Variants in GABPB1 observed in about 807,000 individuals in gnomAD.
GABPB1 encodes GA-binding protein subunit beta-1.
GABPB1 carries 15 observed loss-of-function variants against 45.9 expected under a neutral mutation model. The ratio of observed to expected loss-of-function variants is 0.33; its 90% CI spans 0.22 to 0.50. GABPB1 has a LOEUF of 0.50. Ranked by LOEUF, GABPB1 falls within the 20% of genes least tolerant of loss-of-function variation. The probability of loss-of-function intolerance (pLI) is 0.98; values close to 1 mark genes in which losing one functional copy is unlikely to be tolerated. For synonymous variants in GABPB1, 143 were observed against 154.4 expected (o/e 0.93, Z 0.55); for missense variants, 252 against 457.5 (o/e 0.55, Z 4.10).
intron 1 of GABPB1, among the ~76,000 whole-genome samples, chr15:50,347,851 T>C (rs747407611): frequency 6.6e-6 from 1 of 152,074 alleles, no homozygotes; most frequent in Non-Finnish European, 1.5e-5. Context: ...AAGTCAGAAG[T>C]TGGAGACCAG....
intron 8 of GABPB1, among the ~76,000 whole-genome samples, chr15:50,281,340 T>C (rs952291147): frequency 6.6e-6 from 1 of 152,150 alleles, no homozygotes; most frequent in Non-Finnish European, 1.5e-5. Flanking sequence ...GCCTCCTGAG[T>C]AGCTGGGACT....
intron 8 of GABPB1, among the ~76,000 whole-genome samples, chr15:50,283,838 G>T (rs2046074615): frequency 6.6e-6 from 1 of 152,152 alleles, no homozygotes; most frequent in Non-Finnish European, 1.5e-5. Context: ...TTTATGGACA[G>T]TCACTCTGGT....
At chr15:50,307,024 C>T (rs1413646582) in intron 2 of GABPB1, among the ~76,000 whole-genome samples, 2 of 152,044 alleles carry the variant, frequency 1.3e-5, no homozygotes, top group African/African-American at 4.8e-5. Flanking sequence ...CTGCTAAATA[C>T]AGTAGTCTTG....
chr15:50,282,560 G>GACAAAAAAAAAAAA (rs2046013439), intron 8 of GABPB1, among the ~76,000 whole-genome samples: 1 of 88,992 alleles, frequency 1.1e-5, no homozygotes, highest in Non-Finnish European at 2.3e-5. Flanking sequence ...CCTTAAAAAA[G>GACAAAAAAAAAAAA]AAAAAAAAAA....
intron 1 of GABPB1, chr15:50,354,469 G>A (rs2049004848): frequency 6.7e-6 from 3 of 446,342 alleles, no homozygotes; most frequent in South Asian, 3.1e-5. Context: ...CACCCTCGCC[G>A]CCCGTTCCCC....
At chr15:50,291,484 A>ATT (rs537438110) in intron 6 of GABPB1, among the ~76,000 whole-genome samples, 8 of 140,106 alleles carry the variant, frequency 5.7e-5, no homozygotes, top group African/African-American at 1.3e-4. Context: ...ACGCCTGGTA[A>ATT]TTTTTTTTTT....
At chr15:50,302,879 T>C in intron 4 of GABPB1, 50 bp downstream of exon 4, 2 of 1,248,154 alleles carry the variant, frequency 1.6e-6, no homozygotes, top group Non-Finnish European at 2.3e-6. Flanking sequence ...ATCCCTCTAC[T>C]GATAAGGCTT....
Position 50,309,760 on chromosome 15 carries a change from C to A in GABPB1, c.39G>T (p.Ala13=), listed in dbSNP as rs566098729. ...LVDLGKKLLE[A]ARAGQDDEVR... is the part of the protein sequence containing the mutation. The stretch of plus-strand genomic sequence containing the variant: ...CTTCATCATCTTGACCTGCTCGTGC[C>A]GCTTCTAAAAGCTTCTTTCCCAAAT... The change falls in exon 2 of 9, where the codon GCG becomes GCT. Residue 13 remains alanine, a synonymous_variant. Coordinates refer to ENST00000380877, the MANE Select transcript of GABPB1 (RefSeq NM_016654.5). The A allele has an allele frequency of 3.1e-6, 5 of 1,613,486 alleles. No individual in the cohort carries two copies. In the East Asian group the frequency reaches 1.1e-4, roughly 36 times the overall value.
chr15:50,292,590 A>C (rs2046386673), intron 6 of GABPB1, among the ~76,000 whole-genome samples: 1 of 152,188 alleles, frequency 6.6e-6, no homozygotes, highest in African/African-American at 2.4e-5. Flanking sequence ...GGGAGGTTAC[A>C]AAAATTCACT....
At chr15:50,316,625 A>G (rs1226370722) in intron 1 of GABPB1, among the ~76,000 whole-genome samples, 1 of 152,162 alleles carries the variant, frequency 6.6e-6, no homozygotes, top group Non-Finnish European at 1.5e-5. Flanking sequence ...CAGTCTTTAA[A>G]ATGTTCATAC....
chr15:50,348,209 A>C (rs1319728991), intron 1 of GABPB1, among the ~76,000 whole-genome samples: 2 of 152,194 alleles, frequency 1.3e-5, no homozygotes, highest in African/African-American at 4.8e-5. Context: ...TAGTGGGTTT[A>C]AGATATTCTT....
At chr15:50,282,356 C>T (rs1376904997) in intron 8 of GABPB1, 2 of 441,594 alleles carry the variant, frequency 4.5e-6, no homozygotes, top group Non-Finnish European at 9.0e-6. Flanking sequence ...GCCAGGAGTC[C>T]AAGACCAGCC....
intron 1 of GABPB1, among the ~76,000 whole-genome samples, chr15:50,331,081 G>A (rs1595819258): frequency 6.6e-6 from 1 of 152,322 alleles, no homozygotes; most frequent in African/African-American, 2.4e-5. Flanking sequence ...TGATGCACAA[G>A]TCATTCTCTT....
intron 8 of GABPB1, among the ~76,000 whole-genome samples, chr15:50,284,402 C>A (rs1220084593): frequency 6.6e-6 from 1 of 152,116 alleles, no homozygotes; most frequent in East Asian, 1.9e-4. Context: ...TTACTAAAAT[C>A]AAAACAAAGC....
At chr15:50,328,449 T>C (rs980434648) in intron 1 of GABPB1, among the ~76,000 whole-genome samples, 1 of 152,208 alleles carries the variant, frequency 6.6e-6, no homozygotes, top group Non-Finnish European at 1.5e-5. Context: ...AGCATGTAAT[T>C]TCTTGATCTT....
At chr15:50,311,757 A>G (rs1304463141) in intron 1 of GABPB1, among the ~76,000 whole-genome samples, 1 of 152,214 alleles carries the variant, frequency 6.6e-6, no homozygotes, top group Non-Finnish European at 1.5e-5. Flanking sequence ...GGGGCTTGAA[A>G]AAGTTATTTC....
At chr15:50,296,670 A>G (rs1368881547) in intron 6 of GABPB1, among the ~76,000 whole-genome samples, 1 of 152,188 alleles carries the variant, frequency 6.6e-6, no homozygotes, top group Non-Finnish European at 1.5e-5. Context: ...AACCTGTTTC[A>G]TTATATATAA....
At chr15:50,320,325 G>A (rs2047516851) in intron 1 of GABPB1, among the ~76,000 whole-genome samples, 1 of 152,126 alleles carries the variant, frequency 6.6e-6, no homozygotes, top group African/African-American at 2.4e-5. Context: ...GCACCACCAG[G>A]CCCGGCTAAT....
chr15:50,318,878 TAC>T (rs201694696), intron 1 of GABPB1, among the ~76,000 whole-genome samples: 3 of 151,900 alleles, frequency 2.0e-5, no homozygotes, highest in Non-Finnish European at 4.4e-5. Flanking sequence ...GTTTTTCCTT[TAC>T]ACACACACAC....
Sources: allele counts gnomAD v4.1 joint callset (sites outside exome capture counted in the v4.1 genomes callset), GRCh38; gene constraint gnomAD v4.1.1; transcripts MANE v1.5; gene names NCBI Gene and HGNC (gene_info 2026-07-23, HGNC 2026-07-21).